The following ULK4 variants were observed in gnomAD, a reference collection of about 807,000 sequenced individuals.
ULK4 encodes the protein inactive serine/threonine-protein kinase ULK4.
Under a neutral mutation model 160.6 loss-of-function variants are expected in ULK4, and 133 were observed. The ratio of observed to expected loss-of-function variants is 0.83; its 90% CI spans 0.72 to 0.96. The LOEUF (loss-of-function observed/expected upper bound fraction) is 0.96. ULK4 is among the 40% of genes least tolerant of loss of function. The probability of loss-of-function intolerance (pLI) is 0.00; values close to 1 mark genes in which losing one functional copy is unlikely to be tolerated. For synonymous variants in ULK4, 534 were observed against 539.8 expected (o/e 0.99, Z 0.15); for missense variants, 1,580 against 1,499.5 (o/e 1.05, Z -0.89).
At chr3:41,694,560 T>C (rs1337464200) in intron 27 of ULK4, among the ~76,000 whole-genome samples, 2 of 152,160 alleles carry the variant, frequency 1.3e-5, no homozygotes, top group African/African-American at 2.4e-5. Context: ...TGAGTATAGT[T>C]GGGCCTCAGT....
intron 3 of ULK4, among the ~76,000 whole-genome samples, chr3:41,936,404 C>CA (rs1191195051): frequency 6.6e-6 from 1 of 152,044 alleles, no homozygotes; most frequent in Non-Finnish European, 1.5e-5. Context: ...AATAAAAGGC[C>CA]AAAGTCAGGC....
chr3:41,290,593 A>AT (rs1553639581), intron 35 of ULK4, among the ~76,000 whole-genome samples: 4 of 151,934 alleles, frequency 2.6e-5, no homozygotes, highest in African/African-American at 9.7e-5. Flanking sequence ...TTCCACTGGG[A>AT]GGGGGTTCTG....
chr3:41,748,026 T>A (rs2125889302), intron 22 of ULK4, among the ~76,000 whole-genome samples: 1 of 152,090 alleles, frequency 6.6e-6, no homozygotes, highest in South Asian at 2.1e-4. Context: ...TTGAGTCAAA[T>A]TAAGGATGAG....
At chr3:41,651,973 C>T (rs1296474460) in intron 30 of ULK4, among the ~76,000 whole-genome samples, 1 of 152,100 alleles carries the variant, frequency 6.6e-6, no homozygotes, top group Non-Finnish European at 1.5e-5. Flanking sequence ...ATCACTGAAC[C>T]CATGAAAGCC....
chr3:41,489,323 G>C (rs2084662426), intron 32 of ULK4, among the ~76,000 whole-genome samples: 2 of 152,130 alleles, frequency 1.3e-5, no homozygotes, highest in Non-Finnish European at 2.9e-5. Flanking sequence ...CTGCCCTGCT[G>C]GATTTCCAGT....
chr3:41,345,628 T>C (rs996372569), intron 35 of ULK4, among the ~76,000 whole-genome samples: 3 of 151,662 alleles, frequency 2.0e-5, no homozygotes, highest in Non-Finnish European at 4.4e-5. Flanking sequence ...CTGTTAGAGG[T>C]TGGGGGTGGC....
intron 35 of ULK4, among the ~76,000 whole-genome samples, chr3:41,368,461 A>G (rs936995371): frequency 5.3e-5 from 8 of 152,208 alleles, no homozygotes; most frequent in African/African-American, 1.9e-4. Context: ...CATCACCACA[A>G]TCAATTTTAG....
At chr3:41,757,250 A>G (rs1204710797) in intron 21 of ULK4, among the ~76,000 whole-genome samples, 2 of 152,256 alleles carry the variant, frequency 1.3e-5, no homozygotes, top group Non-Finnish European at 1.5e-5. Context: ...TACAGAAGAT[A>G]GGAGGCAAGT....
chr3:41,697,918 C>A (rs2036553904), intron 27 of ULK4, among the ~76,000 whole-genome samples: 1 of 152,218 alleles, frequency 6.6e-6, no homozygotes, highest in Admixed American at 6.5e-5. Context: ...CAAAGCAACT[C>A]CAGTCCTGCA....
intron 35 of ULK4, among the ~76,000 whole-genome samples, chr3:41,307,159 T>TAA (rs61521129): frequency 1.0e-4 from 13 of 126,130 alleles, no homozygotes; most frequent in Non-Finnish European, 1.8e-4. Flanking sequence ...ATAAATAAAT[T>TAA]AAAAAAAAAA....
intron 22 of ULK4, among the ~76,000 whole-genome samples, chr3:41,745,493 T>C (rs1409434262): frequency 6.6e-6 from 1 of 151,682 alleles, no homozygotes; most frequent in Admixed American, 6.6e-5. Flanking sequence ...CTTAAAGAAA[T>C]TGAATTTGTA....
intron 35 of ULK4, among the ~76,000 whole-genome samples, chr3:41,366,867 T>C (rs893668799): frequency 1.3e-5 from 2 of 152,202 alleles, no homozygotes; most frequent in Non-Finnish European, 2.9e-5. Flanking sequence ...TAAAGGGCTT[T>C]TGAATCTGTT....
At position 41,675,329 on chromosome 3, in the gene ULK4, C is replaced by A. The variant is rs568925778; in HGVS notation, c.2978+6179G>T. 8.5e-4 allele frequency among the ~76,000 whole-genome samples: 129 copies of A among 152,048 alleles called. 1 individual carries two copies. The highest frequency in any genetic ancestry group is 3.0e-3 in the African/African-American group (123 of 41,440). The stretch of plus-strand genomic sequence containing the variant: ...GTTAGGCTGGGAGTGGTGGTTCACA[C>A]CTATAATCCCAGCACTTTAGAAGGC... On this transcript the variant is annotated intron_variant, in intron 29 of 36. Coordinates refer to ENST00000301831, the MANE Select transcript of ULK4 (RefSeq NM_017886.4).
At chr3:41,389,442 C>T (rs2081902977) in intron 35 of ULK4, among the ~76,000 whole-genome samples, 1 of 152,136 alleles carries the variant, frequency 6.6e-6, no homozygotes, top group African/African-American at 2.4e-5. Context: ...GCATTCCTGT[C>T]TTGTGCCAGT....
chr3:41,638,761 T>G (rs1266977855), intron 30 of ULK4, among the ~76,000 whole-genome samples: 1 of 152,224 alleles, frequency 6.6e-6, no homozygotes, highest in Non-Finnish European at 1.5e-5. Flanking sequence ...TGGAAGAAGA[T>G]TTGCTGTTGA....
chr3:41,924,375 A>G (rs567122320), intron 5 of ULK4, among the ~76,000 whole-genome samples: 33 of 152,284 alleles, frequency 2.2e-4, no homozygotes, highest in African/African-American at 7.2e-4. Context: ...ACGATCCCAA[A>G]AGGTCAGGGC....
intron 30 of ULK4, among the ~76,000 whole-genome samples, chr3:41,631,099 G>A (rs1454265250): frequency 6.6e-6 from 1 of 152,138 alleles, no homozygotes; most frequent in Non-Finnish European, 1.5e-5. Flanking sequence ...TGTCTACCCT[G>A]AAAGCAATAA....
intron 10 of ULK4, 21 bp downstream of exon 10, chr3:41,911,520 A>G (rs961363149): frequency 1.2e-6 from 2 of 1,601,786 alleles, no homozygotes; most frequent in Admixed American, 1.7e-5. Flanking sequence ...AGTAGCATGA[A>G]TGTGCTCAAA....
At chr3:41,791,520 T>A (rs977398292) in intron 20 of ULK4, among the ~76,000 whole-genome samples, 1 of 152,200 alleles carries the variant, frequency 6.6e-6, no homozygotes, top group Non-Finnish European at 1.5e-5. Context: ...TAGGACTTTT[T>A]CCAGATGCTT....
Sources: allele counts gnomAD v4.1 joint callset (sites outside exome capture counted in the v4.1 genomes callset), GRCh38; gene constraint gnomAD v4.1.1; transcripts MANE v1.5; gene names NCBI Gene and HGNC (gene_info 2026-07-23, HGNC 2026-07-21).